The following MADD variants were observed in gnomAD, a reference collection of about 807,000 sequenced individuals.
MADD encodes MAP kinase-activating death domain protein.
In MADD, 109 loss-of-function variants were observed where a neutral mutation model predicts 176.7. The ratio of observed to expected loss-of-function variants is 0.62; its 90% CI spans 0.53 to 0.72. The LOEUF is 0.72. Ranked by LOEUF, MADD falls within the 30% of genes least tolerant of loss-of-function variation. The pLI, the probability that MADD is intolerant of heterozygous loss-of-function variation, is 0.00. For missense variants in MADD, 1,914 were observed against 2,045.5 expected (o/e 0.94, Z 1.24); for synonymous variants, 771 against 771.3 (o/e 1.00, Z 0.01).
intron 10 of MADD, among the ~76,000 whole-genome samples, chr11:47,283,871 C>T (rs1180495400): frequency 6.6e-6 from 1 of 152,180 alleles, no homozygotes. Flanking sequence ...CTGCACCCGG[C>T]TACTTTTTGT....
chr11:47,294,844 G>GTGAC (rs2069409561), intron 20 of MADD, among the ~76,000 whole-genome samples: 1 of 151,960 alleles, frequency 6.6e-6, no homozygotes, highest in Admixed American at 6.6e-5. Flanking sequence ...GCTACCTATA[G>GTGAC]TGTGACTCCA....
At position 47,326,826 on chromosome 11, in the gene MADD, T is replaced by C; in HGVS notation, c.4612+19T>C. ...GAATTTGGTAATTACACTATTTTGC[T>C]CTTAGGTCTGGACTCACATGGCAGT... On this transcript the variant is annotated intron_variant, in intron 31 of 32. Transcript: ENST00000402192. 4 of 1,613,966 alleles carry C rather than the reference T, an allele frequency of 2.5e-6. No individual in the cohort carries two copies. The highest frequency in any genetic ancestry group is 3.4e-6 in the Non-Finnish European group (4 of 1,179,918).
chr11:47,315,240 C>G, exon 27 of MADD: 1 of 1,613,116 alleles, frequency 6.2e-7, no homozygotes, highest in Non-Finnish European at 8.5e-7. Flanking sequence ...ATCTCTCTAT[C>G]TGGTCCAGTG....
chr11:47,305,082 T>C (rs2081531784), intron 22 of MADD, among the ~76,000 whole-genome samples: 1 of 152,084 alleles, frequency 6.6e-6, no homozygotes, highest in Admixed American at 6.6e-5. Context: ...AGTGGTGGTA[T>C]ATGTTGTTAA....
At chr11:47,319,847 C>T (rs996660156) in intron 27 of MADD, among the ~76,000 whole-genome samples, 3 of 151,814 alleles carry the variant, frequency 2.0e-5, no homozygotes, top group African/African-American at 4.8e-5. Context: ...AAAAATTAGC[C>T]GGGCGTGTTG....
intron 5 of MADD, among the ~76,000 whole-genome samples, chr11:47,277,744 G>T (rs568394347): frequency 9.9e-5 from 15 of 152,180 alleles, no homozygotes; most frequent in Non-Finnish European, 1.8e-4. Flanking sequence ...AACCGAGATG[G>T]CTACAGGCTG....
chr11:47,285,672 A>T, intron 14 of MADD, 82 bp downstream of exon 14: 1 of 1,582,330 alleles, frequency 6.3e-7, no homozygotes, highest in East Asian at 2.2e-5. Flanking sequence ...TGTTGCTTAG[A>T]ACTTCACATG....
rs939956320 is a variant in MADD, at chr11:47,328,324, C to T, written c.4613-334C>T. On this transcript the variant is annotated intron_variant, in intron 31 of 32. Transcript: ENST00000402192. The stretch of plus-strand genomic sequence containing the variant: ...ATTCCCCACTGCAGCTCCTCAGGGG[C>T]CCTGGACAGTAGCTGTGACCAGGCT... 3.8e-5 allele frequency: 47 copies of T among 1,249,340 alleles called. No homozygotes were observed. The Middle Eastern group carries it at 9.6e-4, about 26-fold the overall frequency. The allele number at this position is 1,249,340 out of a possible 1,614,324, so 77.4% of individuals were successfully genotyped here. A position where few individuals can be genotyped will look rare whatever the true frequency, so the allele number is the denominator to read the frequency against.
At position 47,289,506 on chromosome 11, in the gene MADD, AG is replaced by A; in HGVS notation, c.2756+14del. 1 of 1,610,480 alleles carries A rather than the reference AG, an allele frequency of 6.2e-7. No individual in the cohort carries two copies. The highest frequency in any genetic ancestry group is 8.5e-7 in the Non-Finnish European group (1 of 1,176,590). On this transcript the variant is annotated intron_variant, in intron 16 of 32. Coordinates refer to ENST00000402192, the Ensembl canonical transcript of MADD. The stretch of plus-strand genomic sequence containing the variant: ...CCAGCAATTCTAGGTAATAAATGGT[AG>A]AGCTGTTTTAAAAGTTCTCAGGCAG...
In MADD at chr11:47,324,357, A is replaced by C. The variant is rs1046051869; in HGVS notation, c.4435+20A>C. 12 of 1,613,746 alleles carry C rather than the reference A, an allele frequency of 7.4e-6. No homozygotes were observed. The highest frequency in any genetic ancestry group is 8.5e-6 in the Non-Finnish European group (10 of 1,179,694). On this transcript the variant is annotated intron_variant, in intron 29 of 32. Transcript: ENST00000402192. ...AACCCGGTGAGGAGAGTTTTTCCTGAGAGTGTCTTCCCTGTTTCTACCAGT... is the reference window on the plus strand; with the variant it reads ...AACCCGGTGAGGAGAGTTTTTCCTGCGAGTGTCTTCCCTGTTTCTACCAGT...
chr11:47,290,636 A>G (rs1175930640), exon 19 of MADD: 2 of 1,613,778 alleles, frequency 1.2e-6, no homozygotes. Flanking sequence ...GAGAAGTCCA[A>G]CAGAAAGTGT....
In MADD at chr11:47,292,735, G is replaced by A. The variant is rs748566197; in HGVS notation, c.3302-1148G>A. 9.2e-6 allele frequency: 7 copies of A among 758,560 alleles called. 1 individual carries two copies. The South Asian group carries it at 9.3e-5, about 10-fold the overall frequency. The allele number at this position is 758,560 out of a possible 1,614,324, so 47.0% of individuals were successfully genotyped here. A position where few individuals can be genotyped will look rare whatever the true frequency, so the allele number is the denominator to read the frequency against. On this transcript the variant is annotated intron_variant, in intron 19 of 32. Coordinates refer to ENST00000402192, the Ensembl canonical transcript of MADD. The stretch of plus-strand genomic sequence containing the variant: ...TGTTTGGAATGGCAGCAGGTAGGTA[G>A]CATGTGACTCCTAGGTGTGTGTAGG...
chr11:47,295,140 A>C (rs11039166), intron 20 of MADD, among the ~76,000 whole-genome samples: 59,280 of 151,406 alleles, frequency 0.39, 12,461 homozygotes, highest in East Asian at 0.69. Flanking sequence ...CGTCCTGAGC[A>C]TCTGGGACCG....
intron 22 of MADD, among the ~76,000 whole-genome samples, chr11:47,308,135 C>A (rs950941245): frequency 5.3e-5 from 8 of 152,298 alleles, no homozygotes; most frequent in African/African-American, 1.7e-4. Context: ...AAATTTAATT[C>A]TTGTAAAGTA....
chr11:47,309,794 A>G (rs2086542820), intron 25 of MADD, among the ~76,000 whole-genome samples, 182 bp downstream of exon 28: 1 of 151,862 alleles, frequency 6.6e-6, no homozygotes, highest in Admixed American at 6.6e-5. Flanking sequence ...TGAAGCTGCC[A>G]GCCAGTTTTA....
At chr11:47,278,883 T>C (rs957021333) in intron 6 of MADD, 116 bp from the exon 7 acceptor site, 12 of 745,208 alleles carry the variant, frequency 1.6e-5, no homozygotes, top group Non-Finnish European at 2.5e-5. Context: ...AGTTATATAA[T>C]GTATATTCGT....
chr11:47,326,692 G>A, intron 30 of MADD, 46 bp from the exon 35 acceptor site: 1 of 1,603,640 alleles, frequency 6.2e-7, no homozygotes, highest in Non-Finnish European at 8.5e-7. Context: ...GTGGGGCAGG[G>A]GTGGAGCCTG....
At chr11:47,276,465 G>C (rs909838644) in intron 4 of MADD, among the ~76,000 whole-genome samples, 1 of 152,206 alleles carries the variant, frequency 6.6e-6, no homozygotes, top group Admixed American at 6.5e-5. Flanking sequence ...GGAAATATCA[G>C]TAGTTCTGTT....
chr11:47,275,027 C>T, exon 3 of MADD: 2 of 1,614,272 alleles, frequency 1.2e-6, no homozygotes, highest in Non-Finnish European at 1.7e-6. Flanking sequence ...ACTCTCACGT[C>T]CCTGTGCGTG....
Sources: gnomAD v4.1 joint callset for allele counts (sites outside exome capture counted in the v4.1 genomes callset) on GRCh38, gnomAD v4.1.1 for gene constraint, MANE v1.5 for transcripts, NCBI Gene and HGNC (gene_info 2026-07-23, HGNC 2026-07-21) for gene names.